Variants in NRCAM observed in about 807,000 individuals in gnomAD.
NRCAM encodes the protein neuronal cell adhesion molecule, also known as NgCAM-related cell adhesion molecule.
A neutral mutation model predicts 156.5 loss-of-function variants in NRCAM; 83 were observed. The observed-to-expected ratio is 0.53, with a 90% CI of 0.44 to 0.64. The LOEUF (loss-of-function observed/expected upper bound fraction) is 0.64. Ranked by LOEUF, NRCAM falls within the 30% of genes least tolerant of loss-of-function variation. The pLI is 0.00. For synonymous variants in NRCAM, 538 were observed against 563.9 expected, an observed-to-expected ratio of 0.95 and a Z score of 0.65; for missense variants, 1,417 against 1,597.3, an observed-to-expected ratio of 0.89 and a Z score of 1.92.
Position 108,182,785 on chromosome 7 carries a change from A to C in NRCAM, c.2440T>G (p.Phe814Val). 1.2e-6 allele frequency: 2 copies of C among 1,614,250 alleles called. No individual in the cohort carries two copies. Among genetic ancestry groups the C allele is most frequent in the Non-Finnish European group, 1.7e-6 (2 of 1,180,042 alleles). The change falls in exon 23 of 33, where the codon TTT becomes GTT. Residue 814 changes from phenylalanine to valine, a missense_variant. Phe to Val is a conservative substitution (Grantham distance 50, BLOSUM62 -1). This residue lies in a region of NRCAM where 1,238 missense variants were observed against 1,336.4 expected (regional missense o/e 0.93). Transcript: ENST00000379028. ...SKYIVSGTPT[F>V]VPYLIKVQAL... ...TGAACTTTGATCAGGTATGGAACAA[A>C]GGTTGGCGTGCCTGAGACAATATAT...
At chr7:108,394,664 G>C (rs2099772039) in intron 2 of NRCAM, among the ~76,000 whole-genome samples, 1 of 152,192 alleles carries the variant, frequency 6.6e-6, no homozygotes, top group Admixed American at 6.5e-5. Flanking sequence ...ACTGGTAATG[G>C]ATAGTTATTA....
chr7:108,222,102 T>TATACATG (rs2092479125), intron 11 of NRCAM, among the ~76,000 whole-genome samples: 1 of 152,218 alleles, frequency 6.6e-6, no homozygotes, highest in Non-Finnish European at 1.5e-5. Context: ...TGAAAATCTA[T>TATACATG]ATACATGTGG....
intron 3 of NRCAM, among the ~76,000 whole-genome samples, chr7:108,281,306 AT>A (rs2097850786): frequency 6.6e-6 from 1 of 152,176 alleles, no homozygotes; most frequent in Non-Finnish European, 1.5e-5. Context: ...TTATTTTAAT[AT>A]ATTCTTTTTT....
intron 1 of NRCAM, among the ~76,000 whole-genome samples, chr7:108,421,303 G>T (rs987286622): frequency 6.6e-6 from 1 of 152,156 alleles, no homozygotes; most frequent in Non-Finnish European, 1.5e-5. Context: ...TAGCTAATTT[G>T]CAAAAACTCA....
chr7:108,386,627 TATG>T (rs2099741613), intron 2 of NRCAM, among the ~76,000 whole-genome samples: 1 of 152,142 alleles, frequency 6.6e-6, no homozygotes, highest in Non-Finnish European at 1.5e-5. Flanking sequence ...GATTGAAAAC[TATG>T]ATAATAATAA....
chr7:108,191,222 A>G, intron 19 of NRCAM, 32 bp downstream of exon 19: 1 of 1,576,478 alleles, frequency 6.3e-7, no homozygotes, highest in Non-Finnish European at 8.7e-7. Flanking sequence ...TGTTTGACAG[A>G]AAACAGAGAA....
intron 3 of NRCAM, among the ~76,000 whole-genome samples, chr7:108,253,937 C>CGAAA (rs1248524518): frequency 1.3e-5 from 2 of 152,176 alleles, no homozygotes; most frequent in Non-Finnish European, 2.9e-5. Flanking sequence ...CCTATCACTA[C>CGAAA]CCCAACCACG....
chr7:108,388,899 G>C (rs1195437525), intron 2 of NRCAM, among the ~76,000 whole-genome samples: 1 of 150,082 alleles, frequency 6.7e-6, no homozygotes, highest in East Asian at 1.9e-4. Context: ...TGAGGGCTCT[G>C]TTCTGTTCCA....
At chr7:108,398,073 C>G (rs1284342558) in intron 2 of NRCAM, among the ~76,000 whole-genome samples, 1 of 152,174 alleles carries the variant, frequency 6.6e-6, no homozygotes, top group African/African-American at 2.4e-5. Context: ...GCCTATAACT[C>G]CCAAGTGAAT....
At chr7:108,211,615 C>T (rs1207994399) in intron 11 of NRCAM, among the ~76,000 whole-genome samples, 5 of 152,036 alleles carry the variant, frequency 3.3e-5, no homozygotes, top group Non-Finnish European at 5.9e-5. Context: ...GCTGGATTTC[C>T]CTCGCTTCCC....
At chr7:108,198,125 A>G in intron 13 of NRCAM, 26 bp from the exon 14 acceptor site, 2 of 1,567,994 alleles carry the variant, frequency 1.3e-6, no homozygotes, top group Non-Finnish European at 1.7e-6. Context: ...AATAGAAAGT[A>G]TTTATTCCTA....
intron 2 of NRCAM, among the ~76,000 whole-genome samples, chr7:108,317,181 G>A (rs2098936881): frequency 6.6e-6 from 1 of 152,156 alleles, no homozygotes; most frequent in African/African-American, 2.4e-5. Context: ...AGCTGAGAGG[G>A]AACTCTAATT....
intron 29 of NRCAM, among the ~76,000 whole-genome samples, chr7:108,168,013 T>C (rs1432611787): frequency 6.6e-6 from 1 of 152,206 alleles, no homozygotes; most frequent in Non-Finnish European, 1.5e-5. Context: ...GGCACAGAAC[T>C]AGTTTCAAGT....
chr7:108,439,770 T>C (rs1403216952), intron 1 of NRCAM, among the ~76,000 whole-genome samples: 1 of 142,944 alleles, frequency 7.0e-6, no homozygotes, highest in East Asian at 2.0e-4. Context: ...GAGGCAGAGG[T>C]TGCAGTAAGC....
chr7:108,166,657 AATAAT>A (rs911314374), intron 30 of NRCAM, among the ~76,000 whole-genome samples: 2 of 152,224 alleles, frequency 1.3e-5, no homozygotes, highest in Non-Finnish European at 2.9e-5. Context: ...GAATTCTTTA[AATAAT>A]ATAAGTTAAA....
At chr7:108,218,624 G>A (rs1177001029) in intron 11 of NRCAM, among the ~76,000 whole-genome samples, 3 of 152,082 alleles carry the variant, frequency 2.0e-5, no homozygotes, top group African/African-American at 4.8e-5. Flanking sequence ...GGTAGAAAAC[G>A]AAATCAAGAT....
intron 13 of NRCAM, among the ~76,000 whole-genome samples, chr7:108,198,755 A>C (rs2076436461): frequency 6.6e-6 from 1 of 152,246 alleles, no homozygotes. Context: ...GAAAATATTT[A>C]ATTTTCTGCT....
intron 3 of NRCAM, among the ~76,000 whole-genome samples, chr7:108,311,806 G>A (rs2098807529): frequency 6.6e-6 from 1 of 152,068 alleles, no homozygotes; most frequent in South Asian, 2.1e-4. Flanking sequence ...CATGCTCAAA[G>A]GATTTTACTA....
intron 1 of NRCAM, among the ~76,000 whole-genome samples, chr7:108,424,868 A>T (rs914095103): frequency 4.6e-5 from 7 of 152,132 alleles, no homozygotes; most frequent in African/African-American, 1.7e-4. Context: ...ACATTAGTGT[A>T]TTCATTTTGT....
Sources: gnomAD v4.1 joint callset for allele counts (sites outside exome capture counted in the v4.1 genomes callset) on GRCh38, gnomAD v4.1.1 for gene constraint, gnomAD v4.1.1 regional missense constraint, MANE v1.5 for transcripts, NCBI Gene and HGNC (gene_info 2026-07-23, HGNC 2026-07-21) for gene names.